ZBTB25: variants seen among roughly 807,000 people sequenced by gnomAD.
ZBTB25 encodes the protein zinc finger and BTB domain containing 25, also known as zinc finger and BTB domain-containing protein 25.
In ZBTB25, 20 loss-of-function variants were observed where a neutral mutation model predicts 34.2. That is an observed-to-expected ratio of 0.58 (90% confidence interval 0.41 to 0.85). The LOEUF is 0.85. Among genes scored for constraint, ZBTB25 ranks in the 40% least tolerant of loss-of-function variants. The pLI is 0.00. For missense variants in ZBTB25, 437 were observed against 521.8 expected (o/e 0.84, Z 1.58); for synonymous variants, 175 against 186.4 (o/e 0.94, Z 0.50).
rs868062653 is a variant in ZBTB25 at position 64,480,051 on chromosome 14, C to T, written c.*6872G>A. 2.7e-4 allele frequency: 43 copies of T among 160,560 alleles called. No homozygotes were observed. In the South Asian group the frequency reaches 6.5e-3, roughly 24 times the overall value. 9.9% of individuals were successfully genotyped at this position (160,560 alleles called of 1,614,324 possible). A position where few individuals can be genotyped will look rare whatever the true frequency, so the allele number is the denominator to read the frequency against. On this transcript the variant is annotated 3_prime_UTR_variant, in exon 3 of 3. Transcript: ENST00000608382. ...TAGAGAAGAAAGAAGCAGCTGGGCG[C>T]GGTGGCTCACGCCTGTAATCCCAGC...
intron 2 of ZBTB25, among the ~76,000 whole-genome samples, chr14:64,456,997 T>C (rs2078485353): frequency 6.6e-6 from 1 of 152,236 alleles, no homozygotes; most frequent in Non-Finnish European, 1.5e-5. Context: ...AAGCCGTACA[T>C]ATTTGCATCT....
Position 64,484,896 on chromosome 14 carries a change from G to T in ZBTB25, c.*2027C>A. 1.8e-6 allele frequency: 1 copy of T among 543,424 alleles called. No homozygotes were observed. Among genetic ancestry groups the T allele is most frequent in the Non-Finnish European group, 2.3e-6 (1 of 426,276 alleles). 33.7% of individuals were successfully genotyped at this position (543,424 alleles called of 1,614,324 possible). A position where few individuals can be genotyped will look rare whatever the true frequency, so the allele number is the denominator to read the frequency against. On this transcript the variant is annotated 3_prime_UTR_variant, in exon 3 of 3. Transcript: ENST00000608382. The stretch of plus-strand genomic sequence containing the variant: ...GAGGGCAGTACAAATTTCAATAGTT[G>T]CTTAAGTGAATTGGTAGAAAAAAGT...
intron 2 of ZBTB25, chr14:64,472,669 A>G (rs1473340706): frequency 6.0e-6 from 1 of 167,000 alleles, no homozygotes; most frequent in Non-Finnish European, 1.5e-5. Context: ...TCTCAATCTG[A>G]TTATATGTGC....
chr14:64,459,179 C>G (rs2078523220), intron 2 of ZBTB25, among the ~76,000 whole-genome samples: 1 of 152,172 alleles, frequency 6.6e-6, no homozygotes, highest in East Asian at 1.9e-4. Flanking sequence ...CACCCCACAT[C>G]TCTTCCTAAG....
chr14:64,487,057 A>G lies in ZBTB25; in HGVS notation c.1174T>C (p.Phe392Leu), dbSNP rs371465918. The change falls in exon 3 of 3, where the codon TTT (phenylalanine) becomes CTT (leucine). Residue 392 changes from phenylalanine (F) to leucine (L), a missense_variant. Phe to Leu is a conservative substitution (Grantham distance 22, BLOSUM62 0). Transcript: ENST00000608382. The stretch of plus-strand genomic sequence containing the variant: ...GACCAGCTGTCACAGTATGGCTGAA[A>G]TCTCTGGGCCAATGCATTACCAAAC... Reference protein sequence around the residue: ...QRFGNALAQRFQPYCDSWSDV... With the variant: ...QRFGNALAQRLQPYCDSWSDV... The G allele has an allele frequency of 5.6e-6, 9 of 1,614,076 alleles. No homozygotes were observed. Among genetic ancestry groups the G allele is most frequent in the African/African-American group, 1.3e-5 (1 of 74,918 alleles).
intron 1 of ZBTB25, among the ~76,000 whole-genome samples, chr14:64,500,922 G>A (rs1429366607): frequency 1.3e-5 from 2 of 152,048 alleles, no homozygotes; most frequent in South Asian, 2.1e-4. Context: ...GTGGTGGCAG[G>A]CGCCTGTAAT....
At chr14:64,453,323 G>A (rs186899179) in intron 2 of ZBTB25, among the ~76,000 whole-genome samples, 216 of 152,172 alleles carry the variant, frequency 1.4e-3, no homozygotes, top group African/African-American at 4.9e-3. Context: ...TGTAATCCCA[G>A]CACTTTGGGA....
intron 1 of ZBTB25, among the ~76,000 whole-genome samples, chr14:64,501,159 CA>C (rs2079483730): frequency 6.6e-6 from 1 of 152,200 alleles, no homozygotes; most frequent in Admixed American, 6.5e-5. Flanking sequence ...TATCCCTAAG[CA>C]GGTTCAAGTA....
At chr14:64,495,461 T>G (rs1456881852) in intron 1 of ZBTB25, among the ~76,000 whole-genome samples, 1 of 152,226 alleles carries the variant, frequency 6.6e-6, no homozygotes, top group African/African-American at 2.4e-5. Context: ...AGCTGCATGA[T>G]CACTGTGAGC....
Position 64,485,164 on chromosome 14 carries a change from A to G in ZBTB25, c.*1759T>C. The G allele has an allele frequency of 1.0e-6, 1 of 985,338 alleles. No individual in the cohort carries two copies. The highest frequency in any genetic ancestry group is 1.2e-6 in the Non-Finnish European group (1 of 829,906). The allele number at this position is 985,338 out of a possible 1,614,324, so 61.0% of individuals were successfully genotyped here. On this transcript the variant is annotated 3_prime_UTR_variant, in exon 3 of 3. Coordinates refer to ENST00000608382, the MANE Select transcript of ZBTB25 (RefSeq NM_006977.5). Reference sequence around the variant, plus strand: ...TACCTAAACTGTTTACCTAGAGAAAACCTTTGTGTCCTTAGAATTAGCTGG... The same window carrying G: ...TACCTAAACTGTTTACCTAGAGAAAGCCTTTGTGTCCTTAGAATTAGCTGG...
intron 2 of ZBTB25, chr14:64,461,260 G>T (rs1181126456): frequency 6.6e-6 from 1 of 152,110 alleles, no homozygotes; most frequent in African/African-American, 2.4e-5. Context: ...TGTCAATGTT[G>T]TAATACAGTC....
Position 64,481,511 on chromosome 14 carries a change from CTAAGTT to C in ZBTB25, c.*5406_*5411del, listed in dbSNP as rs1441320788. 1 of 152,134 alleles carries C rather than the reference CTAAGTT, an allele frequency of 6.6e-6. No individual in the cohort carries two copies. Among genetic ancestry groups the C allele is most frequent in the Non-Finnish European group, 1.5e-5 (1 of 68,028 alleles). The allele number at this position is 152,134 out of a possible 1,614,324, so 9.4% of individuals were successfully genotyped here. ...TTTTTATTGAACAAGTTTTTATAAT[CTAAGTT>C]TATTTTAAAGTATAAGTTTATATTT... On this transcript the variant is annotated 3_prime_UTR_variant, in exon 3 of 3. Transcript: ENST00000608382.
chr14:64,459,177 A>G (rs571462033), intron 2 of ZBTB25, among the ~76,000 whole-genome samples: 3 of 152,332 alleles, frequency 2.0e-5, no homozygotes, highest in Admixed American at 2.0e-4. Context: ...GCCACCCCAC[A>G]TCTCTTCCTA....
downstream of ZBTB25, chr14:64,473,608 G>C (rs1458664346): frequency 1.2e-5 from 2 of 166,996 alleles, no homozygotes; most frequent in African/African-American, 4.8e-5. Context: ...TTATAGTTAA[G>C]AATGTTTTTC....
rs3742606 is a variant in ZBTB25 at position 64,478,371 on chromosome 14, A to G, written c.*8552T>C. ...TGGGTTGGAAAGTATGAGAGAAGAA[A>G]GTCAGTTGTTGAACCACAGTTGGAA... On this transcript the variant is annotated 3_prime_UTR_variant, in exon 3 of 3. Coordinates refer to ENST00000608382, the MANE Select transcript of ZBTB25 (RefSeq NM_006977.5). The G allele has an allele frequency of 0.27, 40,673 of 152,176 alleles. 5,721 individuals are homozygous for G. Among genetic ancestry groups the G allele is most frequent in the East Asian group, 0.41 (2,146 of 5,180 alleles). The allele number at this position is 152,176 out of a possible 1,614,324, so 9.4% of individuals were successfully genotyped here. A position where few individuals can be genotyped will look rare whatever the true frequency, so the allele number is the denominator to read the frequency against.
chr14:64,456,593 G>A (rs1019731949), intron 2 of ZBTB25, among the ~76,000 whole-genome samples: 12 of 152,112 alleles, frequency 7.9e-5, no homozygotes, highest in African/African-American at 2.2e-4. Flanking sequence ...GCACATGCCC[G>A]TCTACAACAA....
intron 1 of ZBTB25, among the ~76,000 whole-genome samples, chr14:64,500,133 A>G (rs937144070): frequency 6.6e-6 from 1 of 152,182 alleles, no homozygotes; most frequent in African/African-American, 2.4e-5. Flanking sequence ...AGACAAACCA[A>G]ATTTCTAAAA....
rs2078416583 is a variant in ZBTB25 at position 64,453,688 on chromosome 14, A to C, written c.174-4050T>G. On this transcript the variant is annotated intron_variant, in intron 2 of 2. Transcript: ENST00000555220. ...AGGGACTCTGACCTAGAATGTGGCT[A>C]TGTCCTGGTTAAATGTCCTCACATG... 1.2e-5 allele frequency: 11 copies of C among 929,004 alleles called. No homozygotes were observed. The South Asian group carries it at 1.2e-4, about 10-fold the overall frequency. 57.5% of individuals were successfully genotyped at this position (929,004 alleles called of 1,614,324 possible).
intron 1 of ZBTB25, among the ~76,000 whole-genome samples, chr14:64,501,448 A>G (rs1251132940): frequency 6.6e-6 from 1 of 152,254 alleles, no homozygotes; most frequent in Non-Finnish European, 1.5e-5. Flanking sequence ...ATATTTTCTT[A>G]GCTTTCTCTT....
Sources: gnomAD v4.1 joint callset for allele counts (sites outside exome capture counted in the v4.1 genomes callset) on GRCh38, gnomAD v4.1.1 for gene constraint, MANE v1.5 for transcripts, NCBI Gene and HGNC (gene_info 2026-07-23, HGNC 2026-07-21) for gene names.